The following BABAM1 variants were observed in gnomAD, a reference collection of about 807,000 sequenced individuals.
The protein encoded by BABAM1 is BRISC and BRCA1-A complex member 1.
A neutral mutation model predicts 34.4 loss-of-function variants in BABAM1; 14 were observed. That is an observed-to-expected ratio of 0.41 (90% CI 0.27 to 0.64). The LOEUF (loss-of-function observed/expected upper bound fraction) is 0.64. Ranked by LOEUF, BABAM1 falls within the 30% of genes least tolerant of loss-of-function variation. The probability of loss-of-function intolerance (pLI) is 0.34; values close to 1 mark genes in which losing one functional copy is unlikely to be tolerated. For synonymous variants in BABAM1, 169 were observed against 165.8 expected, an observed-to-expected ratio of 1.02 and a Z score of -0.15; for missense variants, 393 against 434.0, an observed-to-expected ratio of 0.91 and a Z score of 0.84.
chr19:17,272,767 C>T (rs1276809531), intron 3 of BABAM1, among the ~76,000 whole-genome samples: 1 of 151,908 alleles, frequency 6.6e-6, no homozygotes, highest in African/African-American at 2.4e-5. Flanking sequence ...ACCTGTAATC[C>T]CATTACTTTG....
rs1186960091 is a variant in BABAM1, at chr19:17,273,545, G to GTTTTTTTTTTTGT, written c.345-350_345-349insTTGTTTTTTTTTT. On this transcript the variant is annotated intron_variant, in intron 3 of 8. Transcript: ENST00000598188. ...TTTCAGAGGAGGGTGGCTGAAGGAA[G>GTTTTTTTTTTTGT]TTTTTTTTTGTTTGTTTTGTTTTTT... is the stretch of plus-strand genomic sequence containing the variant. Among the ~76,000 whole-genome samples, 3 of 35,162 alleles carry GTTTTTTTTTTTGT rather than the reference G, an allele frequency of 8.5e-5. 1 individual carries two copies. Among genetic ancestry groups the GTTTTTTTTTTTGT allele is most frequent in the African/African-American group, 3.1e-4 (3 of 9,692 alleles). The allele number at this position is 35,162 out of a possible 152,430, so 23.1% of individuals were successfully genotyped here.
At chr19:17,275,721 C>T in intron 5 of BABAM1, 80 bp from the exon 6 acceptor site, 1 of 1,587,006 alleles carries the variant, frequency 6.3e-7, no homozygotes, top group South Asian at 1.1e-5. Flanking sequence ...GCCGGGTCTC[C>T]TCTGGTATCG....
chr19:17,269,803 C>A (rs1246133877), intron 2 of BABAM1, among the ~76,000 whole-genome samples: 1 of 151,834 alleles, frequency 6.6e-6, no homozygotes, highest in Non-Finnish European at 1.5e-5. Context: ...GATCTCAGCT[C>A]ACTGCAACCT....
intron 2 of BABAM1, among the ~76,000 whole-genome samples, chr19:17,270,904 AT>A (rs2073833299): frequency 6.6e-6 from 1 of 150,878 alleles, no homozygotes; most frequent in African/African-American, 2.4e-5. Context: ...GTTAGCCAGG[AT>A]GGTCTCGATC....
intron 8 of BABAM1, among the ~76,000 whole-genome samples, chr19:17,278,348 G>T (rs1169145272): frequency 2.7e-5 from 4 of 145,988 alleles, no homozygotes; most frequent in East Asian, 4.2e-4. Flanking sequence ...TCGCTCTGTC[G>T]CCCAGGCTGG....
intron 3 of BABAM1, 92 bp from the exon 4 acceptor site, chr19:17,273,812 C>G (rs1397686123): frequency 3.4e-6 from 5 of 1,460,824 alleles, no homozygotes; most frequent in Non-Finnish European, 4.6e-6. Context: ...ATCCACCTGC[C>G]TCAGCCTCCC....
chr19:17,275,873 C>T, intron 6 of BABAM1, 48 bp downstream of exon 6: 1 of 1,590,684 alleles, frequency 6.3e-7, no homozygotes, highest in Admixed American at 1.7e-5. Flanking sequence ...AGAGAAGGGT[C>T]ACTTCTGGGA....
At chr19:17,269,571 G>A (rs1480141155) in intron 2 of BABAM1, among the ~76,000 whole-genome samples, 3 of 151,888 alleles carry the variant, frequency 2.0e-5, no homozygotes, top group Non-Finnish European at 4.4e-5. Flanking sequence ...GGCTGGTCTC[G>A]AACTCTTGAC....
chr19:17,273,383 A>T (rs10403581), intron 3 of BABAM1, among the ~76,000 whole-genome samples: 1 of 151,868 alleles, frequency 6.6e-6, no homozygotes, highest in Non-Finnish European at 1.5e-5. Flanking sequence ...TCTAGGGGAA[A>T]CTTGAGCCCC....
chr19:17,275,898 G>T, intron 6 of BABAM1, 73 bp downstream of exon 6: 1 of 1,528,672 alleles, frequency 6.5e-7, no homozygotes, highest in Non-Finnish European at 9.1e-7. Flanking sequence ...GCTCCAAACG[G>T]CACAGAAGTA....
intron 8 of BABAM1, among the ~76,000 whole-genome samples, chr19:17,278,164 A>C (rs1266504060): frequency 1.3e-5 from 2 of 151,794 alleles, no homozygotes; most frequent in Non-Finnish European, 2.9e-5. Flanking sequence ...CAACAGCGAA[A>C]CCCTGTCTCA....
In BABAM1 at chr19:17,274,009, C is replaced by CGATG. The variant is rs765607687; in HGVS notation, c.451_454dup (p.Asp152GlyfsTer2). ...ACGAGTTTGCACTGGTGGTGGTGAA[C>CGATG]GATGACACGGCCTGGGTGAGGCTGC... On this transcript the variant is annotated frameshift_variant, in exon 4 of 9. Transcript: ENST00000598188. LOFTEE classifies it high-confidence loss of function. 2.5e-6 allele frequency: 4 copies of CGATG among 1,613,928 alleles called. No homozygotes were observed. The highest frequency in any genetic ancestry group is 3.4e-6 in the Non-Finnish European group (4 of 1,179,858).
intron 6 of BABAM1, among the ~76,000 whole-genome samples, chr19:17,276,149 C>A (rs774012945): frequency 1.6e-4 from 25 of 152,106 alleles, no homozygotes; most frequent in African/African-American, 6.0e-4. Flanking sequence ...GAGTTTGAGA[C>A]CAGCCTGCCC....
intron 3 of BABAM1, 33 bp from the exon 4 acceptor site, chr19:17,273,871 A>T (rs1468233601): frequency 1.3e-6 from 2 of 1,571,194 alleles, no homozygotes; most frequent in Non-Finnish European, 1.7e-6. Context: ...CCCTGAGGGA[A>T]CCTTAATTCC....
intron 8 of BABAM1, among the ~76,000 whole-genome samples, chr19:17,278,372 G>A (rs2073936176): frequency 1.4e-5 from 2 of 145,548 alleles, no homozygotes; most frequent in African/African-American, 5.0e-5. Flanking sequence ...GCAGTGGTGT[G>A]ATCTCGGCTC....
intron 3 of BABAM1, among the ~76,000 whole-genome samples, chr19:17,273,448 C>A (rs546288208): frequency 3.4e-4 from 51 of 152,162 alleles, no homozygotes; most frequent in Admixed American, 2.6e-3. Context: ...GTCAGCCAGA[C>A]TGGGTTTGTG....
intron 3 of BABAM1, 122 bp from the exon 4 acceptor site, chr19:17,273,782 G>A (rs1014193246): frequency 3.9e-6 from 5 of 1,297,388 alleles, no homozygotes; most frequent in Non-Finnish European, 4.2e-6. Context: ...CCAGGCTGGT[G>A]TTGAACTCCT....
Position 17,276,483 on chromosome 19 carries a change from C to T in BABAM1, c.570-12C>T, listed in dbSNP as rs754879017. 1 of 1,587,120 alleles carries T rather than the reference C, an allele frequency of 6.3e-7. No homozygotes were observed. The highest frequency in any genetic ancestry group is 1.8e-5 in the Admixed American group (1 of 56,234). ...AGGCTGCTCTGACTGCTCCCTCCTC[C>T]CGGGTATGCAGCCAGCAGAAAACTG... On this transcript the variant is annotated splice_polypyrimidine_tract_variant and intron_variant, in intron 6 of 8. Coordinates refer to ENST00000598188, the MANE Select transcript of BABAM1 (RefSeq NM_014173.4).
In BABAM1 at chr19:17,268,952, G is replaced by C; in HGVS notation, c.146G>C (p.Ser49Thr). The C allele has an allele frequency of 1.3e-6, 2 of 1,575,072 alleles. No individual in the cohort carries two copies. The highest frequency in any genetic ancestry group is 1.7e-6 in the Non-Finnish European group (2 of 1,161,416). Residue 49 changes from serine (S) to threonine (T), a missense_variant, in exon 2 of 9, where the codon AGC (serine) becomes ACC (threonine). Coordinates refer to ENST00000598188, the MANE Select transcript of BABAM1 (RefSeq NM_014173.4). The stretch of plus-strand genomic sequence containing the variant: ...GCACAGGCCAGCGTGGGCAGCCGCA[G>C]CGAGGGTGAGGGTGAGGCCGCCAGT... ...VGAQASVGSR[S>T]EGEGEAASAD...
Sources: gnomAD v4.1 joint callset for allele counts (sites outside exome capture counted in the v4.1 genomes callset) on GRCh38, gnomAD v4.1.1 for gene constraint, MANE v1.5 for transcripts, NCBI Gene and HGNC (gene_info 2026-07-23, HGNC 2026-07-21) for gene names.